Variants in GALNT13 observed in about 807,000 individuals in gnomAD.
The protein encoded by GALNT13 is UDP-GalNAc:polypeptide N-acetylgalactosaminyltransferase 13.
In GALNT13, 28 loss-of-function variants were observed where a neutral mutation model predicts 64.2. The observed-to-expected ratio is 0.44, with a 90% CI of 0.32 to 0.60. The LOEUF (loss-of-function observed/expected upper bound fraction) is 0.60. GALNT13 is among the 20% of genes least tolerant of loss of function. The pLI is 0.05. For synonymous variants in GALNT13, 214 were observed against 224.6 expected (o/e 0.95, Z 0.42); for missense variants, 577 against 669.8 (o/e 0.86, Z 1.53).
At chr2:154,015,256 A>G (rs900068464) in intron 3 of GALNT13, among the ~76,000 whole-genome samples, 26 of 152,288 alleles carry the variant, frequency 1.7e-4, no homozygotes, top group African/African-American at 6.0e-4. Flanking sequence ...AATAAATCTG[A>G]TTTAGTGAAT....
the GALNT13 span, chr2:153,762,195 G>A: frequency 7.3e-6 from 1 of 137,150 alleles, no homozygotes; most frequent in Admixed American, 7.3e-5. Flanking sequence ...TGGCAACTGG[G>A]ACAACACTAT....
the GALNT13 span, among the ~76,000 whole-genome samples, chr2:153,425,666 G>A: frequency 6.6e-6 from 1 of 151,810 alleles, no homozygotes; most frequent in Non-Finnish European, 1.5e-5. Flanking sequence ...TACCATCTCT[G>A]TGTAAGTTTT....
At chr2:153,283,046 C>A in the GALNT13 span, among the ~76,000 whole-genome samples, 1 of 152,126 alleles carries the variant, frequency 6.6e-6, no homozygotes, top group Admixed American at 6.5e-5. Flanking sequence ...GACATATACT[C>A]CATCATTGTT....
At chr2:153,969,369 T>C (rs1382351191) in intron 3 of GALNT13, among the ~76,000 whole-genome samples, 1 of 152,008 alleles carries the variant, frequency 6.6e-6, no homozygotes, top group Non-Finnish European at 1.5e-5. Flanking sequence ...TAAAAAAATA[T>C]GTGATTTACT....
intron 11 of GALNT13, chr2:154,437,824 C>A: frequency 3.9e-6 from 1 of 258,526 alleles, no homozygotes; most frequent in Non-Finnish European, 7.9e-6. Context: ...CAGTGCACTC[C>A]AGCCTGACGA....
At chr2:153,190,317 C>A in the GALNT13 span, among the ~76,000 whole-genome samples, 3 of 151,994 alleles carry the variant, frequency 2.0e-5, no homozygotes. Flanking sequence ...CCAGTTTTCC[C>A]AGCACAACTT....
chr2:153,944,120 A>G (rs16835446), intron 2 of GALNT13, among the ~76,000 whole-genome samples: 20,005 of 152,156 alleles, frequency 0.13, 1,549 homozygotes, highest in African/African-American at 0.21. Context: ...ATATCATGAT[A>G]TGACTTTAAG....
At chr2:153,341,813 A>T in the GALNT13 span, among the ~76,000 whole-genome samples, 3 of 152,168 alleles carry the variant, frequency 2.0e-5, no homozygotes, top group South Asian at 6.2e-4. Context: ...TTACCAGGCT[A>T]TTATATTTTT....
intron 4 of GALNT13, among the ~76,000 whole-genome samples, chr2:154,155,112 C>G (rs188086056): frequency 6.6e-6 from 1 of 152,046 alleles, no homozygotes; most frequent in Admixed American, 6.5e-5. Context: ...TTTTTACCAG[C>G]TTATGAAAGC....
the GALNT13 span, among the ~76,000 whole-genome samples, chr2:153,411,304 G>A: frequency 9.9e-5 from 15 of 152,002 alleles, no homozygotes; most frequent in African/African-American, 2.4e-4. Flanking sequence ...TAGGGGATCC[G>A]ATAGGGAGAT....
At chr2:153,474,915 C>T in the GALNT13 span, among the ~76,000 whole-genome samples, 1 of 152,150 alleles carries the variant, frequency 6.6e-6, no homozygotes, top group Non-Finnish European at 1.5e-5. Context: ...CTTCTGGTCT[C>T]TTAAGGCTGA....
chr2:153,272,558 A>T, the GALNT13 span, among the ~76,000 whole-genome samples: 1 of 152,222 alleles, frequency 6.6e-6, no homozygotes, highest in African/African-American at 2.4e-5. Flanking sequence ...CAAAACCACA[A>T]TGATATACCA....
intron 11 of GALNT13, among the ~76,000 whole-genome samples, chr2:154,423,361 A>T (rs911992564): frequency 2.0e-5 from 3 of 152,112 alleles, no homozygotes; most frequent in Non-Finnish European, 4.4e-5. Flanking sequence ...GAATAGTGCC[A>T]CAATAAACAT....
intron 9 of GALNT13, among the ~76,000 whole-genome samples, chr2:154,306,622 G>GGC (rs1553512837): frequency 2.0e-5 from 3 of 150,008 alleles, no homozygotes; most frequent in East Asian, 4.0e-4. Flanking sequence ...ATTTGGTGGG[G>GGC]GGGGGGTCAA....
At chr2:153,552,481 G>A in the GALNT13 span, among the ~76,000 whole-genome samples, 3 of 151,794 alleles carry the variant, frequency 2.0e-5, no homozygotes, top group Non-Finnish European at 2.9e-5. Context: ...ACCTTAATGT[G>A]AGGAGGGTAG....
chr2:153,231,596 A>G, the GALNT13 span, among the ~76,000 whole-genome samples: 1 of 152,356 alleles, frequency 6.6e-6, no homozygotes, highest in African/African-American at 2.4e-5. Flanking sequence ...TTAACAGAAT[A>G]GGGTTTTCAA....
chr2:153,987,486 C>T (rs892985950), intron 3 of GALNT13, among the ~76,000 whole-genome samples: 2 of 151,842 alleles, frequency 1.3e-5, no homozygotes, highest in African/African-American at 2.4e-5. Context: ...ATTGAATGAT[C>T]TCACGCTTCA....
At chr2:153,556,066 T>A in the GALNT13 span, among the ~76,000 whole-genome samples, 1 of 152,236 alleles carries the variant, frequency 6.6e-6, no homozygotes, top group South Asian at 2.1e-4. Context: ...AAAATAACTT[T>A]TTTCAGTCAA....
At chr2:153,575,267 G>T in the GALNT13 span, among the ~76,000 whole-genome samples, 1 of 152,144 alleles carries the variant, frequency 6.6e-6, no homozygotes, top group African/African-American at 2.4e-5. Flanking sequence ...AGGTGAAATG[G>T]CAAAAGCTCT....
Sources: gnomAD v4.1 joint callset for allele counts (sites outside exome capture counted in the v4.1 genomes callset) on GRCh38, gnomAD v4.1.1 for gene constraint, MANE v1.5 for transcripts, NCBI Gene and HGNC (gene_info 2026-07-23, HGNC 2026-07-21) for gene names.